The following ME3 variants were observed in gnomAD, a reference collection of about 807,000 sequenced individuals.
The protein encoded by ME3 is NADP-dependent malic enzyme, mitochondrial.
Under a neutral mutation model 68.9 loss-of-function variants are expected in ME3, and 48 were observed. The ratio of observed to expected loss-of-function variants is 0.70; its 90% CI spans 0.55 to 0.89. The LOEUF is 0.89. Ranked by LOEUF, ME3 falls within the 40% of genes least tolerant of loss-of-function variation. ME3 has a pLI of 0.00. For missense variants in ME3, 675 were observed against 797.4 expected (o/e 0.85, Z 1.85); for synonymous variants, 320 against 318.8 (o/e 1.00, Z -0.04).
chr11:86,497,972 G>A (rs1363886319), exon 6 of ME3: 1 of 1,600,754 alleles, frequency 6.2e-7, no homozygotes, highest in Non-Finnish European at 8.5e-7. Context: ...CCTCATTGTT[G>A]GTGCCGACGT....
chr11:86,503,082 C>T (rs1048124044), intron 5 of ME3, among the ~76,000 whole-genome samples: 1 of 152,034 alleles, frequency 6.6e-6, no homozygotes, highest in African/African-American at 2.4e-5. Context: ...CTCTTTCTAC[C>T]GCAAAAATAA....
chr11:86,512,895 C>G (rs1281588087), intron 4 of ME3, among the ~76,000 whole-genome samples: 1 of 152,176 alleles, frequency 6.6e-6, no homozygotes, highest in African/African-American at 2.4e-5. Flanking sequence ...CTAGAATAAC[C>G]AGAGGCAGGA....
intron 4 of ME3, among the ~76,000 whole-genome samples, chr11:86,522,211 T>C (rs930273049): frequency 4.6e-5 from 7 of 151,682 alleles, no homozygotes; most frequent in African/African-American, 1.7e-4. Flanking sequence ...GACTGCGTCA[T>C]TGCACTCCAG....
At position 86,575,306 on chromosome 11, in the gene ME3, A is replaced by T. The variant is rs947750314; in HGVS notation, c.184-15483T>A. Among the ~76,000 whole-genome samples the T allele has an allele frequency of 6.8e-5, 10 of 146,722 alleles. 2 individuals carry two copies. Among genetic ancestry groups the T allele is most frequent in the African/African-American group, 2.1e-4 (8 of 37,920 alleles). ...AGTTACTAGGATAAATGCGGCAAAG[A>T]TGTAGAGGGTCCACTTTAGCTAATG... On this transcript the variant is annotated intron_variant, in intron 2 of 14. Transcript: ENST00000543262.
At position 86,508,725 on chromosome 11, in the gene ME3, T is replaced by A. The variant is rs1041267594; in HGVS notation, c.543+67A>T. On this transcript the variant is annotated intron_variant, in intron 5 of 14. Coordinates refer to ENST00000543262, the Ensembl canonical transcript of ME3. ...TAATGGCTCATTTTATAGATGGAAATGACTCTGGTTTAGGCTGAAATGATT... is the reference window on the plus strand; with the variant it reads ...TAATGGCTCATTTTATAGATGGAAAAGACTCTGGTTTAGGCTGAAATGATT... 8 of 1,432,594 alleles carry A rather than the reference T, an allele frequency of 5.6e-6. No individual in the cohort carries two copies. The African/African-American group carries it at 8.4e-5, about 15-fold the overall frequency. 88.7% of individuals were successfully genotyped at this position (1,432,594 alleles called of 1,614,324 possible).
intron 4 of ME3, among the ~76,000 whole-genome samples, chr11:86,531,484 G>C (rs898482292): frequency 6.6e-5 from 10 of 152,138 alleles, no homozygotes; most frequent in South Asian, 6.2e-4. Context: ...CTTGACCCAG[G>C]CATCCCATTA....
intron 2 of ME3, among the ~76,000 whole-genome samples, chr11:86,564,984 C>G (rs532932026): frequency 6.6e-6 from 1 of 152,160 alleles, no homozygotes; most frequent in East Asian, 1.9e-4. Context: ...CAAAGGACTC[C>G]TACAGCACAA....
chr11:86,653,971 T>C (rs1429643554), intron 2 of ME3, among the ~76,000 whole-genome samples: 1 of 152,128 alleles, frequency 6.6e-6, no homozygotes, highest in African/African-American at 2.4e-5. Context: ...TAAACACCTC[T>C]ACACAAATAA....
At chr11:86,530,937 T>A (rs369065905) in intron 4 of ME3, among the ~76,000 whole-genome samples, 5 of 151,974 alleles carry the variant, frequency 3.3e-5, no homozygotes, top group Admixed American at 6.6e-5. Context: ...CATAGGCATG[T>A]GCAAGGACTT....
intron 2 of ME3, among the ~76,000 whole-genome samples, chr11:86,607,887 T>C (rs1942268073): frequency 6.6e-6 from 1 of 152,020 alleles, no homozygotes; most frequent in African/African-American, 2.4e-5. Flanking sequence ...CCTTTTGACC[T>C]TCAGAAACAG....
chr11:86,522,990 A>G (rs981147277), intron 4 of ME3, among the ~76,000 whole-genome samples: 1 of 152,096 alleles, frequency 6.6e-6, no homozygotes, highest in Non-Finnish European at 1.5e-5. Flanking sequence ...GGTTGATTAT[A>G]TATCACCCAC....
At chr11:86,535,053 A>G (rs1955555272) in intron 4 of ME3, among the ~76,000 whole-genome samples, 1 of 152,216 alleles carries the variant, frequency 6.6e-6, no homozygotes, top group African/African-American at 2.4e-5. Context: ...TTTACTCTCA[A>G]ACACTGCCCT....
chr11:86,638,674 C>T (rs557028848), intron 2 of ME3, among the ~76,000 whole-genome samples: 2 of 152,300 alleles, frequency 1.3e-5, no homozygotes, highest in East Asian at 3.9e-4. Context: ...TTGTGTTAAA[C>T]AAGCACTTTA....
intron 2 of ME3, among the ~76,000 whole-genome samples, chr11:86,603,607 A>T (rs1961100550): frequency 6.6e-6 from 1 of 152,178 alleles, no homozygotes; most frequent in African/African-American, 2.4e-5. Flanking sequence ...ATATACCCAA[A>T]GGACTATAAA....
intron 8 of ME3, among the ~76,000 whole-genome samples, chr11:86,463,896 C>A (rs749224587): frequency 6.6e-6 from 1 of 152,190 alleles, no homozygotes; most frequent in Non-Finnish European, 1.5e-5. Context: ...TGCTTAATGG[C>A]TATAAAAGTT....
intron 2 of ME3, among the ~76,000 whole-genome samples, chr11:86,560,387 C>G (rs1418087866): frequency 1.3e-5 from 2 of 151,992 alleles, no homozygotes; most frequent in Non-Finnish European, 2.9e-5. Flanking sequence ...TGAGGCCTCC[C>G]CAGACATGTG....
At chr11:86,466,752 A>G (rs1354046364) in intron 7 of ME3, among the ~76,000 whole-genome samples, 2 of 152,208 alleles carry the variant, frequency 1.3e-5, no homozygotes, top group African/African-American at 2.4e-5. Context: ...GGCTGTTGGT[A>G]GAAGGACTGG....
intron 2 of ME3, among the ~76,000 whole-genome samples, chr11:86,609,781 G>A (rs1291385352): frequency 1.3e-5 from 2 of 152,186 alleles, no homozygotes; most frequent in Non-Finnish European, 2.9e-5. Context: ...CATAGGCATG[G>A]AGAAGTAAGT....
chr11:86,658,729 C>T (rs1484207397), intron 2 of ME3, among the ~76,000 whole-genome samples: 3 of 152,054 alleles, frequency 2.0e-5, no homozygotes, highest in African/African-American at 7.2e-5. Flanking sequence ...GGCCAGCTGC[C>T]CCACTGGCAC....
Sources: gnomAD v4.1 joint callset for allele counts (sites outside exome capture counted in the v4.1 genomes callset) on GRCh38, gnomAD v4.1.1 for gene constraint, MANE v1.5 for transcripts, NCBI Gene and HGNC (gene_info 2026-07-23, HGNC 2026-07-21) for gene names.